Variants in SGK3 observed in about 807,000 individuals in gnomAD.
SGK3 encodes the protein serum/glucocorticoid regulated kinase family member 3.
SGK3 carries 47 observed loss-of-function variants against 68.5 expected under a neutral mutation model. The ratio of observed to expected loss-of-function variants is 0.69; its 90% CI spans 0.54 to 0.87. SGK3 has a LOEUF of 0.87. SGK3 is among the 40% of genes least tolerant of loss of function. SGK3 has a pLI of 0.00. For synonymous variants in SGK3, 181 were observed against 189.1 expected, an observed-to-expected ratio of 0.96 and a Z score of 0.35; for missense variants, 479 against 575.5, an observed-to-expected ratio of 0.83 and a Z score of 1.72.
intron 1 of SGK3, among the ~76,000 whole-genome samples, chr8:66,749,959 G>GTGTGTGTA (rs936712738): frequency 6.6e-6 from 1 of 151,284 alleles, no homozygotes; most frequent in East Asian, 1.9e-4. Flanking sequence ...GTGTGTGTGT[G>GTGTGTGTA]TGTGTGTATG....
intron 2 of SGK3, among the ~76,000 whole-genome samples, chr8:66,794,463 G>C (rs1029135446): frequency 1.3e-5 from 2 of 150,676 alleles, no homozygotes; most frequent in Non-Finnish European, 3.0e-5. Context: ...CAGAGGTCTT[G>C]TGCCCTCCTC....
chr8:66,821,879 A>G (rs1021438603), intron 5 of SGK3, among the ~76,000 whole-genome samples: 5 of 151,952 alleles, frequency 3.3e-5, no homozygotes, highest in African/African-American at 1.2e-4. Context: ...TTCTGGGCCC[A>G]GGGAAAATAC....
chr8:66,763,727 T>C (rs1806237283), intron 1 of SGK3, among the ~76,000 whole-genome samples: 2 of 152,132 alleles, frequency 1.3e-5, no homozygotes, highest in African/African-American at 2.4e-5. Flanking sequence ...TACTGATACT[T>C]CCAATTGAAA....
intron 1 of SGK3, among the ~76,000 whole-genome samples, chr8:66,784,121 G>A (rs1239903231): frequency 6.6e-6 from 1 of 151,530 alleles, no homozygotes; most frequent in Non-Finnish European, 1.5e-5. Flanking sequence ...GGCTGATACC[G>A]AACTCCTGGG....
chr8:66,782,349 T>C (rs1284344060), intron 1 of SGK3, among the ~76,000 whole-genome samples: 2 of 152,118 alleles, frequency 1.3e-5, no homozygotes, highest in African/African-American at 4.8e-5. Context: ...GACTTTTTTT[T>C]TTCATAGCTA....
At chr8:66,813,589 T>G (rs1808465211) in intron 4 of SGK3, among the ~76,000 whole-genome samples, 1 of 151,092 alleles carries the variant, frequency 6.6e-6, no homozygotes, top group South Asian at 2.1e-4. Context: ...AATAGGCAGT[T>G]TTGAGAACTT....
At chr8:66,836,993 A>G (rs1809563588) in intron 10 of SGK3, among the ~76,000 whole-genome samples, 1 of 152,142 alleles carries the variant, frequency 6.6e-6, no homozygotes, top group South Asian at 2.1e-4. Flanking sequence ...AAATGCTGCT[A>G]TTACAATAAT....
intron 4 of SGK3, among the ~76,000 whole-genome samples, chr8:66,806,642 G>A (rs534224867): frequency 6.6e-5 from 10 of 151,842 alleles, no homozygotes; most frequent in African/African-American, 1.9e-4. Context: ...GTGAAACCCC[G>A]TCTTTACTAA....
intron 1 of SGK3, among the ~76,000 whole-genome samples, chr8:66,748,635 G>A (rs753175169): frequency 6.6e-6 from 1 of 152,144 alleles, no homozygotes; most frequent in Non-Finnish European, 1.5e-5. Context: ...GACCAGGCCA[G>A]CAGTGCCTTG....
intron 16 of SGK3, among the ~76,000 whole-genome samples, chr8:66,851,569 A>G (rs1810291900): frequency 6.6e-6 from 1 of 152,106 alleles, no homozygotes; most frequent in Admixed American, 6.6e-5. Flanking sequence ...CATTATTAAT[A>G]AAATCATATT....
chr8:66,758,883 C>G (rs543416276), intron 1 of SGK3, among the ~76,000 whole-genome samples: 5 of 152,140 alleles, frequency 3.3e-5, no homozygotes, highest in Non-Finnish European at 5.9e-5. Flanking sequence ...TTTCCTAGGA[C>G]TGCTGTACAG....
intron 1 of SGK3, among the ~76,000 whole-genome samples, chr8:66,717,842 T>TTC (rs1277812537): frequency 6.6e-6 from 1 of 152,012 alleles, no homozygotes; most frequent in East Asian, 1.9e-4. Context: ...AAGCTGGGTC[T>TTC]ACAGTTGTGC....
At chr8:66,789,406 T>G (rs1025450366) in intron 1 of SGK3, among the ~76,000 whole-genome samples, 1 of 152,254 alleles carries the variant, frequency 6.6e-6, no homozygotes, top group Non-Finnish European at 1.5e-5. Context: ...GTCTTCTTCA[T>G]GGCCTTTTCT....
chr8:66,819,034 G>A (rs1448960918), intron 5 of SGK3, among the ~76,000 whole-genome samples: 1 of 152,182 alleles, frequency 6.6e-6, no homozygotes, highest in Admixed American at 6.5e-5. Context: ...GTGAAATCAC[G>A]TTGCTTACCT....
At position 66,732,757 on chromosome 8, in the gene SGK3, A is replaced by G. The variant is rs374078650; in HGVS notation, c.-122+19924A>G. Among the ~76,000 whole-genome samples, 446 of 152,256 alleles carry G rather than the reference A, an allele frequency of 2.9e-3. 3 individuals are homozygous for G. The highest frequency in any genetic ancestry group is 0.01 in the African/African-American group (434 of 41,554). On this transcript the variant is annotated intron_variant, in intron 1 of 16. Transcript: ENST00000521198. ...CTACTCAGGAGGCTGAGGCAGGAGA[A>G]TTGCTTGAACCTGGGAGGCGGAGGT...
intron 1 of SGK3, among the ~76,000 whole-genome samples, chr8:66,756,514 A>G (rs1415042082): frequency 6.6e-6 from 1 of 151,024 alleles, no homozygotes; most frequent in Non-Finnish European, 1.5e-5. Context: ...AATCCTTTTA[A>G]GTTATGGGCT....
chr8:66,861,743 T>C lies in SGK3; in HGVS notation c.*2162T>C, dbSNP rs1275800055. On this transcript the variant is annotated 3_prime_UTR_variant, in exon 17 of 17. Transcript: ENST00000521198. Reference sequence around the variant, plus strand: ...TAATATTTACATCCAATACACTGAATCTTCCTTTAGAGGTAAGACTTTAAT... The same window carrying C: ...TAATATTTACATCCAATACACTGAACCTTCCTTTAGAGGTAAGACTTTAAT... The C allele has an allele frequency of 1.3e-5, 2 of 152,216 alleles. No homozygotes were observed. The highest frequency in any genetic ancestry group is 4.8e-5 in the African/African-American group (2 of 41,460). The allele number at this position is 152,216 out of a possible 1,614,324, so 9.4% of individuals were successfully genotyped here. A position where few individuals can be genotyped will look rare whatever the true frequency, so the allele number is the denominator to read the frequency against.
intron 1 of SGK3, among the ~76,000 whole-genome samples, chr8:66,742,199 A>T (rs11998301): frequency 0.13 from 19,937 of 152,176 alleles, 2,495 homozygotes; most frequent in African/African-American, 0.33. Context: ...TCTCTTTTTC[A>T]TATCAGAGAC....
chr8:66,833,083 G>C (rs1221694739), intron 8 of SGK3, among the ~76,000 whole-genome samples: 1 of 151,638 alleles, frequency 6.6e-6, no homozygotes, highest in East Asian at 1.9e-4. Flanking sequence ...TCCGCTCACT[G>C]CAACCTCTGC....
Sources: gnomAD v4.1 joint callset for allele counts (sites outside exome capture counted in the v4.1 genomes callset) on GRCh38, gnomAD v4.1.1 for gene constraint, MANE v1.5 for transcripts, NCBI Gene and HGNC (gene_info 2026-07-23, HGNC 2026-07-21) for gene names.